The following FCRL3 variants were observed in gnomAD, a reference collection of about 807,000 sequenced individuals.
FCRL3 encodes the protein Fc receptor-like protein 3.
In FCRL3, 89 loss-of-function variants were observed where a neutral mutation model predicts 75.0. The ratio of observed to expected loss-of-function variants is 1.19; its 90% CI spans 1.00 to 1.42. The LOEUF is 1.42. Among genes scored for constraint, FCRL3 ranks in the 40% most tolerant of loss-of-function variants. FCRL3 has a pLI of 0.00. For synonymous variants in FCRL3, 376 were observed against 348.5 expected (o/e 1.08, Z -0.88); for missense variants, 946 against 880.0 (o/e 1.07, Z -0.95).
At chr1:157,691,411 G>T (rs1283386763) in intron 8 of FCRL3, among the ~76,000 whole-genome samples, 1 of 152,204 alleles carries the variant, frequency 6.6e-6, no homozygotes, top group Non-Finnish European at 1.5e-5. Flanking sequence ...AACTTGATAA[G>T]GATCTTAAGC....
intron 10 of FCRL3, among the ~76,000 whole-genome samples, chr1:157,688,522 T>A (rs1443134221): frequency 6.6e-6 from 1 of 150,792 alleles, no homozygotes; most frequent in Non-Finnish European, 1.5e-5. Flanking sequence ...AATTGATAGA[T>A]CAGGTAGACA....
chr1:157,695,600 T>C lies in FCRL3; in HGVS notation c.1140A>G (p.Val380=). Residue 380 remains valine, a synonymous_variant, in exon 8 of 15, where the codon GTA becomes GTG. Coordinates refer to ENST00000368184, the MANE Select transcript of FCRL3 (RefSeq NM_052939.4). ...CCCTGAAGGTGAGGACAGGGTGAGA[T>C]ACCGGAACTGAAGGAGACAAAAGGG... is the stretch of plus-strand genomic sequence containing the variant. ...TWIRVTVRIP[V]SHPVLTFRAP... 2 of 1,603,642 alleles carry C rather than the reference T, an allele frequency of 1.2e-6. No homozygotes were observed. Among genetic ancestry groups the C allele is most frequent in the Non-Finnish European group, 1.7e-6 (2 of 1,175,138 alleles).
At chr1:157,687,898 G>A (rs528675535) in intron 10 of FCRL3, among the ~76,000 whole-genome samples, 10 of 151,938 alleles carry the variant, frequency 6.6e-5, no homozygotes, top group Non-Finnish European at 1.5e-4. Flanking sequence ...ATATAACCAT[G>A]TAACCAATCC....
Position 157,677,774 on chromosome 1 carries a change from A to G in FCRL3, c.*936T>C, listed in dbSNP as rs1654552089. On this transcript the variant is annotated 3_prime_UTR_variant, in exon 15 of 15. Coordinates refer to ENST00000368184, the MANE Select transcript of FCRL3 (RefSeq NM_052939.4). ...ATATGGTCTTTAACTTATAGTTAAA[A>G]CTAATATAAAAACATATTTAAGGAA... 1 of 494,964 alleles carries G rather than the reference A, an allele frequency of 2.0e-6. No homozygotes were observed. Among genetic ancestry groups the G allele is most frequent in the Admixed American group, 6.4e-5 (1 of 15,660 alleles). The allele number at this position is 494,964 out of a possible 1,614,324, so 30.7% of individuals were successfully genotyped here.
intron 14 of FCRL3, 25 bp downstream of exon 14, chr1:157,678,917 A>C (rs761470120): frequency 6.2e-7 from 1 of 1,614,146 alleles, no homozygotes; most frequent in East Asian, 2.2e-5. Flanking sequence ...CCAGAGAGGA[A>C]AGAAAGCCAA....
rs778720169 is a variant in FCRL3 at position 157,680,982 on chromosome 1, A to G, written c.1956T>C (p.Asn652=). 2 of 1,578,896 alleles carry G rather than the reference A, an allele frequency of 1.3e-6. No individual in the cohort carries two copies. Among genetic ancestry groups the G allele is most frequent in the Admixed American group, 1.9e-5 (1 of 53,050 alleles). The change falls in exon 12 of 15, where the codon AAT becomes AAC. Residue 652 remains asparagine, a splice_region_variant and synonymous_variant. Coordinates refer to ENST00000368184, the MANE Select transcript of FCRL3 (RefSeq NM_052939.4). ...TTCTGCCCCCTAGGGAGTCCTCACC[A>G]TTGCTGTACATTGGCTCCAGCTCCA... ...APMELEPMYS[N]VNPGDSNPIY...
At chr1:157,689,654 T>A (rs1655384615) in intron 10 of FCRL3, 144 bp downstream of exon 10, 1 of 1,046,562 alleles carries the variant, frequency 9.6e-7, no homozygotes, top group Admixed American at 3.1e-5. Context: ...TTTGCTACAA[T>A]TGCCTACAGA....
intron 8 of FCRL3, among the ~76,000 whole-genome samples, chr1:157,694,705 C>T (rs1571212152): frequency 6.6e-6 from 1 of 152,000 alleles, no homozygotes. Context: ...GGTGCCTCTG[C>T]TGAAGGAAAA....
chr1:157,676,780 A>G lies in FCRL3; in HGVS notation c.*1930T>C. 6.5e-7 allele frequency: 1 copy of G among 1,550,188 alleles called. No homozygotes were observed. Among genetic ancestry groups the G allele is most frequent in the Non-Finnish European group, 8.7e-7 (1 of 1,146,776 alleles). ...CTTGGGTTCAGAATCTAGAAAATGG[A>G]TAAACAATGATAAGAGATGACAGGT... is the stretch of plus-strand genomic sequence containing the variant. On this transcript the variant is annotated 3_prime_UTR_variant, in exon 15 of 15. Transcript: ENST00000368184.
At chr1:157,699,820 T>G in intron 2 of FCRL3, 108 bp from the exon 3 acceptor site, 2 of 1,228,320 alleles carry the variant, frequency 1.6e-6, no homozygotes, top group Non-Finnish European at 2.3e-6. Flanking sequence ...GCTCCCTTTT[T>G]ATATCATCCA....
At chr1:157,682,849 T>C (rs568186018) in intron 11 of FCRL3, among the ~76,000 whole-genome samples, 1 of 152,336 alleles carries the variant, frequency 6.6e-6, no homozygotes, top group South Asian at 2.1e-4. Flanking sequence ...GAATTGAACA[T>C]TGCCAGCATT....
chr1:157,687,386 C>A (rs1655237489), intron 10 of FCRL3, among the ~76,000 whole-genome samples: 1 of 137,684 alleles, frequency 7.3e-6, no homozygotes, highest in Admixed American at 8.3e-5. Flanking sequence ...GGAGATTTCT[C>A]AAAGAACTTA....
At chr1:157,681,813 G>T (rs1472093955) in intron 11 of FCRL3, among the ~76,000 whole-genome samples, 1 of 152,056 alleles carries the variant, frequency 6.6e-6, no homozygotes, top group Non-Finnish European at 1.5e-5. Flanking sequence ...CTGAGGAATC[G>T]CCACACTGAC....
At chr1:157,694,737 A>G (rs1321340181) in intron 8 of FCRL3, among the ~76,000 whole-genome samples, 1 of 152,170 alleles carries the variant, frequency 6.6e-6, no homozygotes, top group Non-Finnish European at 1.5e-5. Flanking sequence ...GATACTGAGA[A>G]CATCAGATTA....
In FCRL3 at chr1:157,697,740, T is replaced by C. The variant is rs1163242323; in HGVS notation, c.478A>G (p.Lys160Glu). 2.5e-6 allele frequency: 4 copies of C among 1,614,004 alleles called. No homozygotes were observed. Among genetic ancestry groups the C allele is most frequent in the Non-Finnish European group, 3.4e-6 (4 of 1,179,886 alleles). Residue 160 changes from lysine to glutamate, a missense_variant, in exon 5 of 15, where the codon AAA becomes GAA. By Grantham distance (56) the Lys-to-Glu change is moderately conservative. Transcript: ENST00000368184. Reference protein sequence around the residue: ...TVNSVSRDNSKYHCTAYRKFY... With the variant: ...TVNSVSRDNSEYHCTAYRKFY... ...TTCCTATAAGCAGTACAATGATATT[T>C]GCTATTATCCCTGGAGACTGAATTC... is the stretch of plus-strand genomic sequence containing the variant.
chr1:157,681,489 G>A lies in FCRL3; in HGVS notation c.1839-390C>T, dbSNP rs532576714. 3.9e-3 allele frequency among the ~76,000 whole-genome samples: 567 copies of A among 145,684 alleles called. 2 individuals carry two copies. Among genetic ancestry groups the A allele is most frequent in the Non-Finnish European group, 6.6e-3 (444 of 67,264 alleles). On this transcript the variant is annotated intron_variant, in intron 11 of 14. Transcript: ENST00000368184. ...TTCCCACCTATGAGTGAGAACATGC[G>A]GTGTTTGGTTTTTTGTTCTTGCGAT...
chr1:157,679,223 C>T, intron 13 of FCRL3: 1 of 563,236 alleles, frequency 1.8e-6, no homozygotes, highest in South Asian at 2.1e-5. Flanking sequence ...GCCCCAAGCA[C>T]AAACACTAAT....
chr1:157,690,478 C>G lies in FCRL3; in HGVS notation c.1467G>C (p.Val489=), dbSNP rs765948607. 1.7e-5 allele frequency: 28 copies of G among 1,614,122 alleles called. No individual in the cohort carries two copies. In the East Asian group the frequency reaches 5.8e-4, roughly 33 times the overall value. Residue 489 remains valine (V), a synonymous_variant, in exon 9 of 15, where the codon GTG becomes GTC. Transcript: ENST00000368184. Reference sequence around the variant, plus strand: ...CACAGTGAAGCTCCAGCAGGTCCCCCACCACAGCCTGGGCCCCGGGAGCCC... The same window carrying G: ...CACAGTGAAGCTCCAGCAGGTCCCCGACCACAGCCTGGGCCCCGGGAGCCC... ...TLRAPGAQAV[V]GDLLELHCES...
At chr1:157,695,204 G>C in intron 8 of FCRL3, 125 bp downstream of exon 8, 4 of 964,288 alleles carry the variant, frequency 4.1e-6, no homozygotes, top group Non-Finnish European at 4.7e-6. Context: ...AGAACTCCCA[G>C]GTGGAGTCAG....
Sources: allele counts gnomAD v4.1 joint callset (sites outside exome capture counted in the v4.1 genomes callset), GRCh38; gene constraint gnomAD v4.1.1; transcripts MANE v1.5; gene names NCBI Gene and HGNC (gene_info 2026-07-23, HGNC 2026-07-21).